PBX1: variants seen among roughly 807,000 people sequenced by gnomAD.
The protein encoded by PBX1 is pre-B-cell leukemia transcription factor 1.
PBX1 carries 6 observed loss-of-function variants against 53.4 expected under a neutral mutation model. The observed-to-expected ratio is 0.11, with a 90% confidence interval of 0.06 to 0.22. The LOEUF (loss-of-function observed/expected upper bound fraction) is 0.22. Among genes scored for constraint, PBX1 ranks in the 10% least tolerant of loss-of-function variants. The pLI is 1.00. For synonymous variants in PBX1, 204 were observed against 212.3 expected (o/e 0.96, Z 0.34); for missense variants, 251 against 551.4 (o/e 0.46, Z 5.46).
At chr1:164,817,777 A>G (rs1669949464) in intron 6 of PBX1, 1 of 152,226 alleles carries the variant, frequency 6.6e-6, no homozygotes, top group Non-Finnish European at 1.5e-5. Flanking sequence ...GACATCATGT[A>G]GCCCTTTGGG....
At chr1:164,728,187 T>G (rs933413953) in intron 2 of PBX1, among the ~76,000 whole-genome samples, 1 of 152,006 alleles carries the variant, frequency 6.6e-6, no homozygotes, top group African/African-American at 2.4e-5. Context: ...CTTGGTGATA[T>G]GTGCCTGTAG....
chr1:164,848,168 AT>A lies in PBX1; in HGVS notation c.*1497del. On this transcript the variant is annotated 3_prime_UTR_variant, in exon 9 of 9. Coordinates refer to ENST00000420696, the MANE Select transcript of PBX1 (RefSeq NM_002585.4). ...TGTTTTCATTGAAATCATCACAGTG[AT>A]TTTTATTCCCTGGGAACACAGCGTG... 9.5e-7 allele frequency: 1 copy of A among 1,049,864 alleles called. No homozygotes were observed. Among genetic ancestry groups the A allele is most frequent in the South Asian group, 4.6e-5 (1 of 21,828 alleles). 65.0% of individuals were successfully genotyped at this position (1,049,864 alleles called of 1,614,324 possible). A position where few individuals can be genotyped will look rare whatever the true frequency, so the allele number is the denominator to read the frequency against.
intron 8 of PBX1, among the ~76,000 whole-genome samples, chr1:164,835,361 A>C (rs1043173449): frequency 6.6e-6 from 1 of 152,008 alleles, no homozygotes; most frequent in African/African-American, 2.4e-5. Flanking sequence ...TTGCTAGATC[A>C]AAGGGTATGC....
intron 2 of PBX1, among the ~76,000 whole-genome samples, chr1:164,676,809 C>T (rs953409848): frequency 2.0e-5 from 3 of 152,176 alleles, no homozygotes; most frequent in African/African-American, 7.2e-5. Context: ...ACCTTGAGCC[C>T]TGAGGGGGCT....
rs1178355813 is a variant in PBX1 at position 164,559,919 on chromosome 1, A to C, written c.97A>C (p.Thr33Pro). ...GCACTTGCAGGATGGGGCCGGAGGG[A>C]CCGAGGGGGAGGGCGGGAGGAAGCA... ...SQHLQDGAGG[T>P]EGEGGRKQDI... Residue 33 changes from threonine to proline, a missense_variant, in exon 1 of 9, where the codon ACC becomes CCC. Thr to Pro is a conservative substitution (Grantham distance 38, BLOSUM62 -1). Around this residue, in one of 4 missense-constraint regions of PBX1, gnomAD observed 63 missense variants for 78.7 expected, o/e 0.80. Coordinates refer to ENST00000420696, the MANE Select transcript of PBX1 (RefSeq NM_002585.4). The C allele has an allele frequency of 3.8e-5, 58 of 1,546,220 alleles. No homozygotes were observed. The highest frequency in any genetic ancestry group is 4.8e-5 in the Non-Finnish European group (55 of 1,143,766).
At chr1:164,681,060 T>G (rs1367889840) in intron 2 of PBX1, among the ~76,000 whole-genome samples, 1 of 151,750 alleles carries the variant, frequency 6.6e-6, no homozygotes, top group Non-Finnish European at 1.5e-5. Context: ...GCCCAGGAGT[T>G]CGAGACCAGC....
intron 2 of PBX1, among the ~76,000 whole-genome samples, chr1:164,783,418 A>G (rs1668024218): frequency 6.6e-6 from 1 of 151,932 alleles, no homozygotes; most frequent in Non-Finnish European, 1.5e-5. Flanking sequence ...GCGTGCGTGT[A>G]TGTGTGTATG....
chr1:164,851,083 T>G lies in PBX1; in HGVS notation c.*4407T>G. On this transcript the variant is annotated 3_prime_UTR_variant, in exon 9 of 9. Transcript: ENST00000420696. Reference sequence around the variant, plus strand: ...TAATGAGATATTGGGCCAGGCTCAATGCTGTAGTTTTAATGCTAAGAGGTT... The same window carrying G: ...TAATGAGATATTGGGCCAGGCTCAAGGCTGTAGTTTTAATGCTAAGAGGTT... The G allele has an allele frequency of 4.5e-6, 1 of 223,770 alleles. No homozygotes were observed. Among genetic ancestry groups the G allele is most frequent in the East Asian group, 6.4e-5 (1 of 15,508 alleles). The allele number at this position is 223,770 out of a possible 1,614,324, so 13.9% of individuals were successfully genotyped here. A position where few individuals can be genotyped will look rare whatever the true frequency, so the allele number is the denominator to read the frequency against.
chr1:164,716,845 C>G (rs549265808), intron 2 of PBX1, among the ~76,000 whole-genome samples: 10 of 152,300 alleles, frequency 6.6e-5, no homozygotes, highest in African/African-American at 1.9e-4. Flanking sequence ...TTGTTGAGCA[C>G]ATCCTGGGTG....
chr1:164,770,469 A>T (rs1388909429), intron 2 of PBX1: 1 of 152,194 alleles, frequency 6.6e-6, no homozygotes, highest in East Asian at 1.9e-4. Context: ...GGCTAGTGCC[A>T]TTCTCTTCTT....
rs201694416 is a variant in PBX1, at chr1:164,857,840, G to A, written n.257+26357G>A. Among the ~76,000 whole-genome samples the A allele has an allele frequency of 2.6e-5, 4 of 152,244 alleles. No homozygotes were observed. The East Asian group carries it at 7.7e-4, about 29-fold the overall frequency. On this transcript the variant is annotated intron_variant and non_coding_transcript_variant, in intron 2 of 2. Coordinates refer to the PBX1 transcript ENST00000558796. Reference sequence around the variant, plus strand: ...CATCAATAAAATGAAGACAATTCTAGTATCTACTTCATAGAATTACAGGGA... The same window carrying A: ...CATCAATAAAATGAAGACAATTCTAATATCTACTTCATAGAATTACAGGGA...
chr1:164,591,316 G>C (rs1285541070), intron 2 of PBX1, among the ~76,000 whole-genome samples: 1 of 152,238 alleles, frequency 6.6e-6, no homozygotes, highest in Admixed American at 6.5e-5. Flanking sequence ...CTGGCCCCCA[G>C]TTAAATATTT....
intron 2 of PBX1, among the ~76,000 whole-genome samples, chr1:164,659,044 A>G (rs1407524169): frequency 6.6e-6 from 1 of 152,194 alleles, no homozygotes; most frequent in Non-Finnish European, 1.5e-5. Flanking sequence ...TATTAACCTC[A>G]TAGCACAGTG....
rs925973025 is a variant in PBX1 at position 164,847,328 on chromosome 1, G to A, written c.*652G>A. ...GGACTGTCATAGCTGGGATTCTAAA[G>A]GTGCCACATTTTTCAGTTTCATCTC... On this transcript the variant is annotated 3_prime_UTR_variant, in exon 9 of 9. Transcript: ENST00000420696. The A allele has an allele frequency of 4.7e-6, 5 of 1,064,898 alleles. No homozygotes were observed. Among genetic ancestry groups the A allele is most frequent in the African/African-American group, 1.6e-5 (1 of 61,060 alleles). The allele number at this position is 1,064,898 out of a possible 1,614,324, so 66.0% of individuals were successfully genotyped here.
At chr1:164,701,952 T>C (rs920568348) in intron 2 of PBX1, among the ~76,000 whole-genome samples, 3 of 152,186 alleles carry the variant, frequency 2.0e-5, no homozygotes, top group Non-Finnish European at 4.4e-5. Flanking sequence ...ATTTGTAAAC[T>C]TTAACCACAT....
chr1:164,778,943 G>A (rs1667800773), intron 2 of PBX1, among the ~76,000 whole-genome samples: 1 of 151,998 alleles, frequency 6.6e-6, no homozygotes, highest in Non-Finnish European at 1.5e-5. Flanking sequence ...ATGTGCCCTT[G>A]GGCCACTTTG....
chr1:164,566,568 C>A (rs879388225), intron 2 of PBX1, among the ~76,000 whole-genome samples: 1 of 151,882 alleles, frequency 6.6e-6, no homozygotes, highest in Admixed American at 6.6e-5. Context: ...TAGTAATAGG[C>A]TAAGTTTTGC....
intron 8 of PBX1, among the ~76,000 whole-genome samples, chr1:164,834,029 A>ATGTGTGTGTG (rs35739146): frequency 0.1 from 13,416 of 128,068 alleles, 905 homozygotes; most frequent in South Asian, 0.15. Context: ...ATATATGTAT[A>ATGTGTGTGTG]TGTGTGTGTG....
chr1:164,560,330 G>A (rs1292096366), intron 1 of PBX1: 22 of 398,282 alleles, frequency 5.5e-5, no homozygotes, highest in South Asian at 2.7e-4. Flanking sequence ...GCGGCCCTCG[G>A]CACTTTTTAC....
Sources: allele counts gnomAD v4.1 joint callset (sites outside exome capture counted in the v4.1 genomes callset), GRCh38; gene constraint gnomAD v4.1.1; regional missense constraint gnomAD v4.1.1; transcripts MANE v1.5; gene names NCBI Gene and HGNC (gene_info 2026-07-23, HGNC 2026-07-21).